The following REC114 variants were observed in gnomAD, a reference collection of about 807,000 sequenced individuals.
REC114 encodes the protein meiotic recombination protein REC114.
Under a neutral mutation model 31.3 loss-of-function variants are expected in REC114, and 27 were observed. The observed-to-expected ratio is 0.86, with a 90% confidence interval of 0.64 to 1.19. The LOEUF is 1.19. Among genes scored for constraint, REC114 ranks in the 50% most tolerant of loss-of-function variants. The pLI is 0.00. For synonymous variants in REC114, 134 were observed against 127.7 expected, an observed-to-expected ratio of 1.05 and a Z score of -0.33; for missense variants, 344 against 326.9, an observed-to-expected ratio of 1.05 and a Z score of -0.40.
chr15:73,476,080 C>T (rs1174827873), intron 2 of REC114, among the ~76,000 whole-genome samples: 6 of 152,102 alleles, frequency 3.9e-5, no homozygotes, highest in South Asian at 2.1e-4. Context: ...GCTGTACCAT[C>T]GAGGTTTGCA....
In REC114 at chr15:73,514,752, ATATAAG is replaced by A. The variant is rs148013571; in HGVS notation, c.250-25728_250-25723del. Among the ~76,000 whole-genome samples the A allele has an allele frequency of 7.9e-3, 1,203 of 152,296 alleles. 15 individuals carry two copies. Among genetic ancestry groups the A allele is most frequent in the African/African-American group, 0.028 (1,172 of 41,564 alleles). ...TAATGTTAAGACAGCAAAATTCAGA[ATATAAG>A]TATACTTTAATAACAATGATAAAAT... On this transcript the variant is annotated intron_variant, in intron 2 of 5. Coordinates refer to ENST00000331090, the MANE Select transcript of REC114 (RefSeq NM_001042367.2).
intron 1 of REC114, among the ~76,000 whole-genome samples, chr15:73,463,083 T>C (rs1057115174): frequency 3.3e-5 from 5 of 152,128 alleles, no homozygotes; most frequent in Non-Finnish European, 7.4e-5. Context: ...AATTAACAAT[T>C]TCATAATATT....
chr15:73,454,970 A>G (rs542939949), intron 1 of REC114, among the ~76,000 whole-genome samples: 11 of 152,322 alleles, frequency 7.2e-5, no homozygotes, highest in African/African-American at 2.4e-4. Flanking sequence ...ACAGTTTTCA[A>G]ATGTTTGGCA....
intron 5 of REC114, among the ~76,000 whole-genome samples, chr15:73,557,438 A>G (rs958181681): frequency 1.3e-5 from 2 of 151,792 alleles, no homozygotes; most frequent in Admixed American, 6.6e-5. Flanking sequence ...AAAAAAGAAA[A>G]AAAGGGTTTT....
intron 2 of REC114, among the ~76,000 whole-genome samples, chr15:73,474,782 A>C (rs919184620): frequency 7.9e-5 from 12 of 152,194 alleles, no homozygotes; most frequent in African/African-American, 2.9e-4. Context: ...AAGTACATTT[A>C]AAAGACATTA....
intron 2 of REC114, among the ~76,000 whole-genome samples, chr15:73,520,364 G>A (rs562367371): frequency 5.3e-5 from 8 of 152,210 alleles, no homozygotes; most frequent in African/African-American, 1.9e-4. Flanking sequence ...CTAAGTAGCT[G>A]GGATTACAGG....
chr15:73,537,885 C>T (rs959154144), intron 2 of REC114, among the ~76,000 whole-genome samples: 4 of 152,124 alleles, frequency 2.6e-5, no homozygotes, highest in South Asian at 4.2e-4. Context: ...TGTATTAGTC[C>T]TCTAGTTCTT....
intron 2 of REC114, among the ~76,000 whole-genome samples, chr15:73,477,928 G>A (rs1176816332): frequency 6.6e-6 from 1 of 152,020 alleles, no homozygotes; most frequent in Non-Finnish European, 1.5e-5. Flanking sequence ...ATTTACTTCT[G>A]GAACCATTGA....
At position 73,559,839 on chromosome 15, in the gene REC114, C is replaced by CT. The variant is rs755740036; in HGVS notation, c.726dup (p.Met243TyrfsTer32). 8 of 1,612,476 alleles carry CT rather than the reference C, an allele frequency of 5.0e-6. No individual in the cohort carries two copies. Among genetic ancestry groups the CT allele is most frequent in the Non-Finnish European group, 6.8e-6 (8 of 1,179,354 alleles). On this transcript the variant is annotated frameshift_variant, in exon 6 of 6. Transcript: ENST00000331090. LOFTEE classifies it high-confidence loss of function. ...GTTAGGCCCCTTCCTACGTTTGTGCCTTATGGATCAGAATTTCCCAGCATT... is the reference window on the plus strand; with the variant it reads ...GTTAGGCCCCTTCCTACGTTTGTGCCTTTATGGATCAGAATTTCCCAGCATT...
At position 73,481,650 on chromosome 15, in the gene REC114, CTTTTTTTTTTTT is replaced by C. The variant is rs530704232; in HGVS notation, c.249+7744_249+7755del. 5.2e-4 allele frequency among the ~76,000 whole-genome samples: 59 copies of C among 114,070 alleles called. 1 individual carries two copies. The highest frequency in any genetic ancestry group is 2.6e-3 in the Admixed American group (29 of 11,172). 74.8% of individuals were successfully genotyped at this position (114,070 alleles called of 152,430 possible). ...ACATAAAATTTACCATCTTAACTCC[CTTTTTTTTTTTT>C]TTTTTTTTTTTTTTGAGGCGGAGTC... On this transcript the variant is annotated intron_variant, in intron 2 of 5. Transcript: ENST00000331090.
At chr15:73,542,639 G>A (rs1225353734) in intron 3 of REC114, among the ~76,000 whole-genome samples, 1 of 152,176 alleles carries the variant, frequency 6.6e-6, no homozygotes, top group African/African-American at 2.4e-5. Context: ...CAAAGATTAG[G>A]AAAATGAGCG....
chr15:73,496,430 G>A (rs926403728), intron 2 of REC114, among the ~76,000 whole-genome samples: 9 of 151,094 alleles, frequency 6.0e-5, no homozygotes, highest in African/African-American at 1.2e-4. Context: ...AGGCCAAGGC[G>A]GGCATATCAC....
chr15:73,528,170 C>T (rs905042144), intron 2 of REC114, among the ~76,000 whole-genome samples: 2 of 152,240 alleles, frequency 1.3e-5, no homozygotes, highest in Admixed American at 6.5e-5. Context: ...CCCACCTTTC[C>T]TATTTTTACC....
chr15:73,533,250 TAA>T (rs1894109180), intron 2 of REC114, among the ~76,000 whole-genome samples: 2 of 72,004 alleles, frequency 2.8e-5, no homozygotes, highest in Admixed American at 3.2e-4. Flanking sequence ...GCAAATTGGA[TAA>T]AGAGTCAAGA....
At chr15:73,524,049 A>G (rs149108000) in intron 2 of REC114, among the ~76,000 whole-genome samples, 2 of 152,360 alleles carry the variant, frequency 1.3e-5, no homozygotes, top group Admixed American at 6.5e-5. Context: ...TGAAAAATCT[A>G]TACAAGGATT....
intron 2 of REC114, among the ~76,000 whole-genome samples, chr15:73,491,893 C>CT (rs1173955963): frequency 2.0e-5 from 3 of 151,120 alleles, no homozygotes; most frequent in African/African-American, 7.3e-5. Context: ...GAGTGAAACT[C>CT]TGTCTCAAGA....
chr15:73,445,618 T>C (rs1038864035), intron 1 of REC114, among the ~76,000 whole-genome samples: 5 of 152,150 alleles, frequency 3.3e-5, no homozygotes, highest in African/African-American at 1.2e-4. Context: ...CCTTAACACT[T>C]TGAGGCCATT....
chr15:73,521,975 A>T (rs2141320375), intron 2 of REC114, among the ~76,000 whole-genome samples: 1 of 152,342 alleles, frequency 6.6e-6, no homozygotes, highest in East Asian at 1.9e-4. Flanking sequence ...GTACATTACA[A>T]TGAATTGGGT....
At chr15:73,502,060 G>A (rs1893610206) in intron 2 of REC114, among the ~76,000 whole-genome samples, 1 of 151,972 alleles carries the variant, frequency 6.6e-6, no homozygotes, top group South Asian at 2.1e-4. Flanking sequence ...GGAGGCTGAG[G>A]CTGGAGATAG....
Sources: allele counts gnomAD v4.1 joint callset (sites outside exome capture counted in the v4.1 genomes callset), GRCh38; gene constraint gnomAD v4.1.1; transcripts MANE v1.5; gene names NCBI Gene and HGNC (gene_info 2026-07-23, HGNC 2026-07-21).